Variants in MARCHF1 observed in about 807,000 individuals in gnomAD.
MARCHF1 encodes E3 ubiquitin-protein ligase MARCHF1.
A neutral mutation model predicts 54.2 loss-of-function variants in MARCHF1; 40 were observed. That is an observed-to-expected ratio of 0.74 (90% CI 0.57 to 0.96). MARCHF1 has a LOEUF of 0.96. MARCHF1 is among the 40% of genes least tolerant of loss of function. MARCHF1 has a pLI of 0.00. For synonymous variants in MARCHF1, 236 were observed against 236.3 expected (o/e 1.00, Z 0.01); for missense variants, 586 against 656.5 (o/e 0.89, Z 1.17).
At chr4:163,991,975 G>T (rs1206530417) in intron 2 of MARCHF1, among the ~76,000 whole-genome samples, 1 of 146,164 alleles carries the variant, frequency 6.8e-6, no homozygotes, top group East Asian at 2.1e-4. Context: ...TATTCTCAGT[G>T]GCCTAGGTTG....
At chr4:163,567,235 T>C (rs931801214) in intron 8 of MARCHF1, among the ~76,000 whole-genome samples, 4 of 152,192 alleles carry the variant, frequency 2.6e-5, no homozygotes, top group Admixed American at 2.0e-4. Context: ...AGTAATTCTA[T>C]ATTAAAAAAA....
At chr4:164,083,522 C>G (rs1012377136) in intron 2 of MARCHF1, among the ~76,000 whole-genome samples, 2 of 151,694 alleles carry the variant, frequency 1.3e-5, no homozygotes, top group Non-Finnish European at 2.9e-5. Flanking sequence ...AGGAAAATAG[C>G]CAGACAAAGA....
At chr4:163,999,295 A>T (rs944906859) in intron 2 of MARCHF1, among the ~76,000 whole-genome samples, 3 of 151,674 alleles carry the variant, frequency 2.0e-5, no homozygotes, top group African/African-American at 7.2e-5. Flanking sequence ...TGGCTTGTCA[A>T]AGAAAAAGTA....
intron 4 of MARCHF1, among the ~76,000 whole-genome samples, chr4:163,784,802 T>C (rs1314325134): frequency 6.6e-6 from 1 of 152,000 alleles, no homozygotes; most frequent in Non-Finnish European, 1.5e-5. Context: ...GTCCTAGTAA[T>C]TAATTTTTAA....
chr4:164,052,991 A>G (rs1045545428), intron 2 of MARCHF1, among the ~76,000 whole-genome samples: 1 of 152,170 alleles, frequency 6.6e-6, no homozygotes, highest in Non-Finnish European at 1.5e-5. Flanking sequence ...TAATTTCTTC[A>G]TCTTTTCTAC....
Position 163,559,196 on chromosome 4 carries a change from CAT to C in MARCHF1, c.1192-13455_1192-13454del, listed in dbSNP as rs1004557941. 1.1e-4 allele frequency among the ~76,000 whole-genome samples: 17 copies of C among 152,184 alleles called. 1 individual carries two copies. The highest frequency in any genetic ancestry group is 9.2e-4 in the Admixed American group (14 of 15,292). On this transcript the variant is annotated intron_variant, in intron 8 of 9. Coordinates refer to ENST00000514618, the MANE Select transcript of MARCHF1 (RefSeq NM_001394959.1). Reference sequence around the variant, plus strand: ...TGTTCATTGTAGAAAATGTATAAAACATAGAAAACTAAAACGGAAATAAAATT... The same window carrying C: ...TGTTCATTGTAGAAAATGTATAAAACAGAAAACTAAAACGGAAATAAAATT...
intron 1 of MARCHF1, among the ~76,000 whole-genome samples, chr4:164,241,390 C>T (rs990182932): frequency 9.2e-5 from 14 of 152,102 alleles, no homozygotes; most frequent in Non-Finnish European, 1.6e-4. Flanking sequence ...GCTCCTTTGG[C>T]CCAGCGATCA....
chr4:163,632,398 G>A lies in MARCHF1; in HGVS notation c.163-19005C>T, dbSNP rs142353334. ...AGGTCAGTGGGTGCATGCACTGTGC[G>A]CCAGCCGAAGCAGGGCGAGGCATTG... On this transcript the variant is annotated intron_variant, in intron 5 of 9. Transcript: ENST00000514618. 8.1e-3 allele frequency among the ~76,000 whole-genome samples: 1,236 copies of A among 152,088 alleles called. 14 individuals carry two copies. Among genetic ancestry groups the A allele is most frequent in the African/African-American group, 0.027 (1,134 of 41,488 alleles).
At chr4:164,241,243 T>G (rs993631393) in intron 1 of MARCHF1, among the ~76,000 whole-genome samples, 1 of 152,160 alleles carries the variant, frequency 6.6e-6, no homozygotes. Context: ...ATCTATTCCC[T>G]AGGACCTTAG....
chr4:164,144,554 C>A (rs1466242626), intron 1 of MARCHF1, among the ~76,000 whole-genome samples: 2 of 151,828 alleles, frequency 1.3e-5, no homozygotes, highest in Non-Finnish European at 2.9e-5. Flanking sequence ...AACTGAACAA[C>A]CTGCTCCTGA....
chr4:163,773,541 C>T (rs1183056858), intron 4 of MARCHF1, among the ~76,000 whole-genome samples: 1 of 152,148 alleles, frequency 6.6e-6, no homozygotes, highest in East Asian at 1.9e-4. Context: ...ATAGTGAAGA[C>T]TCTCTTGAGA....
At chr4:164,351,080 G>C (rs1276443357) in intron 1 of MARCHF1, among the ~76,000 whole-genome samples, 1 of 152,232 alleles carries the variant, frequency 6.6e-6, no homozygotes, top group Admixed American at 6.5e-5. Flanking sequence ...CGCACCACAA[G>C]ATTATATCCC....
intron 5 of MARCHF1, among the ~76,000 whole-genome samples, chr4:163,690,077 T>C (rs2111196139): frequency 6.6e-6 from 1 of 152,192 alleles, no homozygotes; most frequent in Admixed American, 6.5e-5. Flanking sequence ...CTGTCTACAC[T>C]CCTGGTGATA....
intron 5 of MARCHF1, among the ~76,000 whole-genome samples, chr4:163,628,415 T>C (rs1373993485): frequency 6.6e-6 from 1 of 152,210 alleles, no homozygotes; most frequent in Non-Finnish European, 1.5e-5. Flanking sequence ...ATAAGGGCTA[T>C]TTATGACAAA....
At chr4:164,144,321 C>T (rs1239087188) in intron 1 of MARCHF1, among the ~76,000 whole-genome samples, 2 of 151,770 alleles carry the variant, frequency 1.3e-5, no homozygotes, top group East Asian at 1.9e-4. Flanking sequence ...CCAAGGGGAC[C>T]TAATAGACAT....
At chr4:164,095,618 G>T (rs1184437094) in intron 2 of MARCHF1, among the ~76,000 whole-genome samples, 1 of 151,934 alleles carries the variant, frequency 6.6e-6, no homozygotes, top group Non-Finnish European at 1.5e-5. Context: ...ACTAATTATA[G>T]TTTCATTATG....
intron 1 of MARCHF1, among the ~76,000 whole-genome samples, chr4:164,227,467 TGAA>T (rs1210306791): frequency 1.3e-5 from 2 of 152,090 alleles, no homozygotes; most frequent in Non-Finnish European, 2.9e-5. Flanking sequence ...TTAAAGGATT[TGAA>T]GAATATGGCA....
intron 3 of MARCHF1, among the ~76,000 whole-genome samples, chr4:163,965,210 T>C (rs1752418974): frequency 6.6e-6 from 1 of 151,940 alleles, no homozygotes; most frequent in African/African-American, 2.4e-5. Flanking sequence ...TGGAAGACAA[T>C]TGGAAAGAGT....
At chr4:164,266,218 C>A in intron 1 of MARCHF1, among the ~76,000 whole-genome samples, 1 of 152,126 alleles carries the variant, frequency 6.6e-6, no homozygotes, top group Non-Finnish European at 1.5e-5. Flanking sequence ...TCAGGTTTAC[C>A]TTTTCCTGGA....
Sources: gnomAD v4.1 joint callset for allele counts (sites outside exome capture counted in the v4.1 genomes callset) on GRCh38, gnomAD v4.1.1 for gene constraint, MANE v1.5 for transcripts, NCBI Gene and HGNC (gene_info 2026-07-23, HGNC 2026-07-21) for gene names.